The following ZNF732 variants were observed in gnomAD, a reference collection of about 807,000 sequenced individuals.
The protein encoded by ZNF732 is zinc finger protein LOC654254.
ZNF732 carries 12 observed loss-of-function variants against 11.5 expected under a neutral mutation model. The observed-to-expected ratio is 1.05, with a 90% CI of 0.67 to 1.70. The LOEUF (loss-of-function observed/expected upper bound fraction) is 1.70, where lower values mean the gene tolerates loss of function less well. ZNF732 is among the 40% of genes most tolerant of loss of function. ZNF732 has a pLI of 0.00. For missense variants in ZNF732, 702 were observed against 676.9 expected (o/e 1.04, Z -0.41); for synonymous variants, 231 against 236.5 (o/e 0.98, Z 0.21).
chr4:295,180 A>G (rs1719920563), intron 3 of ZNF732, among the ~76,000 whole-genome samples: 1 of 152,238 alleles, frequency 6.6e-6, no homozygotes, highest in Non-Finnish European at 1.5e-5. Flanking sequence ...CAGATCATGC[A>G]GCCCCTAATA....
At chr4:284,376 A>C (rs1167637355) in intron 3 of ZNF732, among the ~76,000 whole-genome samples, 2 of 152,334 alleles carry the variant, frequency 1.3e-5, no homozygotes, top group East Asian at 3.9e-4. Context: ...TCTTGAGACA[A>C]ATGAAAATAG....
chr4:278,728 A>G (rs1217537350), intron 3 of ZNF732, among the ~76,000 whole-genome samples: 1 of 152,222 alleles, frequency 6.6e-6, no homozygotes, highest in Non-Finnish European at 1.5e-5. Flanking sequence ...CTAGGGTCCC[A>G]GACCATGCCG....
chr4:273,614 C>G (rs1560156471), intron 3 of ZNF732, among the ~76,000 whole-genome samples: 1 of 151,492 alleles, frequency 6.6e-6, no homozygotes, highest in East Asian at 1.9e-4. Context: ...AAAATAAAGA[C>G]AGAAATTTTC....
intron 3 of ZNF732, among the ~76,000 whole-genome samples, chr4:279,688 C>T (rs1553839411): frequency 2.0e-5 from 3 of 152,234 alleles, no homozygotes; most frequent in African/African-American, 4.8e-5. Context: ...AACCTTTAAG[C>T]AATGTTAGGT....
rs560343570 is a variant in ZNF732, at chr4:287,404, G to A, written c.226+8034C>T. Among the ~76,000 whole-genome samples the A allele has an allele frequency of 7.9e-4, 119 of 151,200 alleles. 3 individuals are homozygous for A. In the South Asian group the frequency reaches 0.024, roughly 30 times the overall value. ...TAATTTTTGTATTTTTAGTAGAGACGGGGTTTCGCCATGTTGGCCAGGGTA... is the reference window on the plus strand; with the variant it reads ...TAATTTTTGTATTTTTAGTAGAGACAGGGTTTCGCCATGTTGGCCAGGGTA... On this transcript the variant is annotated intron_variant, in intron 3 of 3. Transcript: ENST00000419098.
At chr4:278,849 T>G (rs1719555394) in intron 3 of ZNF732, among the ~76,000 whole-genome samples, 1 of 152,136 alleles carries the variant, frequency 6.6e-6, no homozygotes, top group Non-Finnish European at 1.5e-5. Flanking sequence ...GTGAGTGTAG[T>G]GTCTGACTCT....
chr4:290,049 T>C (rs782710035), intron 3 of ZNF732, among the ~76,000 whole-genome samples: 6 of 152,250 alleles, frequency 3.9e-5, no homozygotes, highest in African/African-American at 4.8e-5. Flanking sequence ...TGCTACAATA[T>C]GGATAAATCT....
chr4:302,005 A>G (rs1282823275), intron 1 of ZNF732, among the ~76,000 whole-genome samples: 2 of 152,128 alleles, frequency 1.3e-5, no homozygotes, highest in African/African-American at 4.8e-5. Flanking sequence ...ACACTGACGA[A>G]GGAGGAATAA....
chr4:299,384 CACATATGTACACATATGTGTATAT>C (rs1720035537), intron 1 of ZNF732, among the ~76,000 whole-genome samples: 2 of 61,654 alleles, frequency 3.2e-5, no homozygotes, highest in South Asian at 1.5e-3. Context: ...TATATATATA[CACATATGTACACATATGTGTATAT>C]ATATATACAC....
chr4:296,301 A>T (rs1414931315), intron 1 of ZNF732, 146 bp from the exon 2 acceptor site: 2 of 1,183,736 alleles, frequency 1.7e-6, no homozygotes, highest in Non-Finnish European at 2.3e-6. Flanking sequence ...AGTATTCTAT[A>T]GCTCTGCAGA....
In ZNF732 at chr4:271,959, G is replaced by T. The variant is rs1553837690; in HGVS notation, c.898C>A (p.His300Asn). Residue 300 changes from histidine to asparagine, a missense_variant, in exon 4 of 4, where the codon CAT (histidine) becomes AAT (asparagine). Around this residue, in one of 3 missense-constraint regions of ZNF732, gnomAD observed 596 missense variants for 557.9 expected, o/e 1.07. Transcript: ENST00000419098. ...SSNVAKHKKI[H>N]TGEKLYKCQE... is the part of the protein sequence containing the mutation. ...CATTTGTAGAGTTTCTCTCCGGTAT[G>T]AATTTTCTTATGTTTGGCAACATTT... The T allele has an allele frequency of 1.2e-6, 2 of 1,607,310 alleles. No homozygotes were observed. The highest frequency in any genetic ancestry group is 2.2e-5 in the East Asian group (1 of 44,660).
intron 3 of ZNF732, among the ~76,000 whole-genome samples, chr4:285,167 G>C (rs1243820028): frequency 6.6e-6 from 1 of 152,118 alleles, no homozygotes; most frequent in African/African-American, 2.4e-5. Context: ...ATGTTCACAG[G>C]AAAGAGTGTT....
chr4:302,076 C>T (rs1288407944), intron 1 of ZNF732, among the ~76,000 whole-genome samples: 1 of 152,082 alleles, frequency 6.6e-6, no homozygotes, highest in African/African-American at 2.4e-5. Context: ...ATAGAAGCGA[C>T]TGTAGATAGA....
At chr4:283,757 C>CAT (rs1422500966) in intron 3 of ZNF732, among the ~76,000 whole-genome samples, 1 of 152,058 alleles carries the variant, frequency 6.6e-6, no homozygotes, top group Non-Finnish European at 1.5e-5. Flanking sequence ...CACCAAAAGA[C>CAT]ATATATATAG....
At chr4:279,889 T>TA (rs1485365570) in intron 3 of ZNF732, among the ~76,000 whole-genome samples, 1 of 152,182 alleles carries the variant, frequency 6.6e-6, no homozygotes, top group African/African-American at 2.4e-5. Context: ...GAAAAATTTA[T>TA]AAACCAGGTA....
chr4:298,468 G>A (rs1720009256), intron 1 of ZNF732, among the ~76,000 whole-genome samples: 1 of 151,758 alleles, frequency 6.6e-6, no homozygotes, highest in Non-Finnish European at 1.5e-5. Flanking sequence ...TACAAACCAA[G>A]GAGATTCTTT....
Position 276,215 on chromosome 4 carries a change from A to G in ZNF732, c.227-3585T>C, listed in dbSNP as rs1262431222. On this transcript the variant is annotated intron_variant, in intron 3 of 3. Coordinates refer to ENST00000419098, the MANE Select transcript of ZNF732 (RefSeq NM_001137608.3). ...ACCACCATTGTTACACACAAACAAA[A>G]TAAGTATACAACTTAAAAACAATAG... Among the ~76,000 whole-genome samples, 8 of 151,942 alleles carry G rather than the reference A, an allele frequency of 5.3e-5. No homozygotes were observed. In the South Asian group the frequency reaches 6.2e-4, roughly 12 times the overall value.
At position 271,799 on chromosome 4, in the gene ZNF732, T is replaced by C. The variant is rs1719377198; in HGVS notation, c.1058A>G (p.Lys353Arg). ...FSRSSVLNEH[K>R]RIHTGEKPYK... ...GGGCTTCTCTCCAGTATGAATTCTC[T>C]TATGTTCATTCAGAACTGAGGACCT... Residue 353 changes from lysine to arginine, a missense_variant, in exon 4 of 4, where the codon AAG becomes AGG. By Grantham distance (26) the Lys-to-Arg change is conservative. Around this residue, in one of 3 missense-constraint regions of ZNF732, gnomAD observed 596 missense variants for 557.9 expected, o/e 1.07. Transcript: ENST00000419098. 6.2e-7 allele frequency: 1 copy of C among 1,612,882 alleles called. No individual in the cohort carries two copies. Among genetic ancestry groups the C allele is most frequent in the East Asian group, 2.2e-5 (1 of 44,834 alleles).
rs1254201899 is a variant in ZNF732, at chr4:287,348, G to C, written c.226+8090C>G. Among the ~76,000 whole-genome samples, 3 of 149,918 alleles carry C rather than the reference G, an allele frequency of 2.0e-5. No homozygotes were observed. The East Asian group carries it at 6.2e-4, about 31-fold the overall frequency. Reference sequence around the variant, plus strand: ...TCCTGCCTCAGCCTCCCGAGTGGCTGGGATTAGAGGTGTGTGCCATCACGT... The same window carrying C: ...TCCTGCCTCAGCCTCCCGAGTGGCTCGGATTAGAGGTGTGTGCCATCACGT... On this transcript the variant is annotated intron_variant, in intron 3 of 3. Coordinates refer to ENST00000419098, the MANE Select transcript of ZNF732 (RefSeq NM_001137608.3).
Sources: allele counts gnomAD v4.1 joint callset (sites outside exome capture counted in the v4.1 genomes callset), GRCh38; gene constraint gnomAD v4.1.1; regional missense constraint gnomAD v4.1.1; transcripts MANE v1.5; gene names NCBI Gene and HGNC (gene_info 2026-07-23, HGNC 2026-07-21).